The following SLC2A9 variants were observed in gnomAD, a reference collection of about 807,000 sequenced individuals.
The protein encoded by SLC2A9 is solute carrier family 2, facilitated glucose transporter member 9.
SLC2A9 carries 39 observed loss-of-function variants against 50.6 expected under a neutral mutation model. The observed-to-expected ratio is 0.77, with a 90% CI of 0.60 to 1.01. The LOEUF is 1.01. Among genes scored for constraint, SLC2A9 ranks in the 50% least tolerant of loss-of-function variants. The pLI is 0.00. For missense variants in SLC2A9, 686 were observed against 677.6 expected (o/e 1.01, Z -0.14); for synonymous variants, 324 against 276.9 (o/e 1.17, Z -1.69).
chr4:9,825,350 A>C (rs1425980022), downstream of SLC2A9, among the ~76,000 whole-genome samples: 2 of 152,186 alleles, frequency 1.3e-5, no homozygotes, highest in African/African-American at 4.8e-5. Context: ...TTTCTTAGCA[A>C]CAGTCAAGAT....
chr4:9,780,509 T>A (rs1352730518), intron 3 of SLC2A9, among the ~76,000 whole-genome samples: 1 of 152,072 alleles, frequency 6.6e-6, no homozygotes, highest in Non-Finnish European at 1.5e-5. Context: ...CACTTGCAGA[T>A]GTTGGTCCAG....
chr4:9,965,372 A>T (rs2108965526), intron 5 of SLC2A9, among the ~76,000 whole-genome samples: 1 of 152,302 alleles, frequency 6.6e-6, no homozygotes, highest in South Asian at 2.1e-4. Context: ...ATCTCATGGG[A>T]AATTTTTCTG....
intron 3 of SLC2A9, among the ~76,000 whole-genome samples, chr4:9,816,231 A>G (rs1723575059): frequency 1.3e-5 from 2 of 152,076 alleles, no homozygotes; most frequent in Admixed American, 6.6e-5. Flanking sequence ...CTCACATCAC[A>G]ATAAAGCATC....
intron 10 of SLC2A9, among the ~76,000 whole-genome samples, chr4:9,849,298 A>T (rs1333938181): frequency 6.6e-6 from 1 of 152,192 alleles, no homozygotes; most frequent in African/African-American, 2.4e-5. Context: ...AGACTGGGAC[A>T]CTGGTTAGGA....
chr4:9,896,843 G>A (rs965220159), intron 8 of SLC2A9, among the ~76,000 whole-genome samples: 18 of 152,246 alleles, frequency 1.2e-4, no homozygotes, highest in African/African-American at 3.9e-4. Context: ...TTTCCTCATT[G>A]AATTACTTCA....
chr4:9,920,308 G>C (rs866394192), intron 7 of SLC2A9, 77 bp downstream of exon 7: 6 of 1,535,382 alleles, frequency 3.9e-6, no homozygotes, highest in East Asian at 2.3e-5. Context: ...CTGGGCGTCT[G>C]GGGCCCAAGC....
chr4:10,011,657 C>T (rs1256017635), intron 2 of SLC2A9, among the ~76,000 whole-genome samples: 4 of 142,492 alleles, frequency 2.8e-5, no homozygotes, highest in African/African-American at 9.8e-5. Flanking sequence ...ACAATAACTT[C>T]AGGATGTTTT....
At chr4:9,883,447 C>A (rs1233440757) in intron 10 of SLC2A9, among the ~76,000 whole-genome samples, 1 of 152,170 alleles carries the variant, frequency 6.6e-6, no homozygotes, top group Non-Finnish European at 1.5e-5. Flanking sequence ...GCCCCTAACC[C>A]CTGTGGACTT....
intron 8 of SLC2A9, among the ~76,000 whole-genome samples, chr4:9,895,039 G>C (rs566859028): frequency 3.9e-5 from 6 of 152,306 alleles, no homozygotes; most frequent in African/African-American, 1.4e-4. Context: ...TTAAAAAAGA[G>C]TTTCAAGTGC....
At chr4:9,859,388 T>A (rs933762708) in intron 10 of SLC2A9, among the ~76,000 whole-genome samples, 25 of 152,222 alleles carry the variant, frequency 1.6e-4, no homozygotes, top group African/African-American at 5.8e-4. Flanking sequence ...CTATATTGAC[T>A]GGTAAGACTC....
chr4:10,029,351 G>T (rs1763857051), intron 1 of SLC2A9: 1 of 152,100 alleles, frequency 6.6e-6, no homozygotes, highest in African/African-American at 2.4e-5. Context: ...CCAAACCATT[G>T]GCTTCTCAGT....
At chr4:9,782,381 G>T in intron 3 of SLC2A9, 1 of 1,614,056 alleles carries the variant, frequency 6.2e-7, no homozygotes, top group Non-Finnish European at 8.5e-7. Flanking sequence ...CGTCTGGGTG[G>T]CCTTCGACAT....
At chr4:10,037,246 C>G (rs1410928922) in intron 1 of SLC2A9, among the ~76,000 whole-genome samples, 2 of 152,156 alleles carry the variant, frequency 1.3e-5, no homozygotes, top group Non-Finnish European at 2.9e-5. Flanking sequence ...GACCTCAGCC[C>G]CTGGCCACCA....
intron 10 of SLC2A9, among the ~76,000 whole-genome samples, chr4:9,844,757 T>C (rs931886454): frequency 3.3e-5 from 5 of 152,218 alleles, no homozygotes; most frequent in African/African-American, 4.8e-5. Flanking sequence ...TAAATTCCCA[T>C]CACTTTACCT....
At chr4:10,001,546 C>A (rs149180359) in intron 2 of SLC2A9, among the ~76,000 whole-genome samples, 12 of 152,310 alleles carry the variant, frequency 7.9e-5, no homozygotes, top group African/African-American at 2.9e-4. Context: ...TTTGTTACAG[C>A]AGCTCTAGAA....
chr4:9,920,631 T>C, intron 6 of SLC2A9, 59 bp from the exon 7 acceptor site: 1 of 1,604,856 alleles, frequency 6.2e-7, no homozygotes, highest in Non-Finnish European at 8.5e-7. Flanking sequence ...TCATGTCTAA[T>C]GCTGGGCCCT....
Position 9,941,937 on chromosome 4 carries a change from G to A in SLC2A9, c.790C>T (p.His264Tyr), listed in dbSNP as rs767104912. 6.2e-7 allele frequency: 1 copy of A among 1,614,180 alleles called. No individual in the cohort carries two copies. Among genetic ancestry groups the A allele is most frequent in the Non-Finnish European group, 8.5e-7 (1 of 1,180,010 alleles). ...CCTTTCACAGCTCTTGCCTCGTTGT[G>A]CTTCTCCAAGAGCAGGTAGCGTGGG... is the stretch of plus-strand genomic sequence containing the variant. ...DSPRYLLLEK[H>Y]NEARAVKAFQ... The change falls in exon 6 of 12, where the codon CAC (histidine) becomes TAC (tyrosine). Residue 264 changes from histidine to tyrosine, a missense_variant. Coordinates refer to ENST00000264784, the MANE Select transcript of SLC2A9 (RefSeq NM_020041.3).
chr4:9,877,986 G>A (rs2109589862), intron 10 of SLC2A9, among the ~76,000 whole-genome samples: 1 of 152,224 alleles, frequency 6.6e-6, no homozygotes, highest in African/African-American at 2.4e-5. Context: ...GCAGTTGAGA[G>A]TGCCAGCCCC....
intron 8 of SLC2A9, among the ~76,000 whole-genome samples, chr4:9,906,874 C>T (rs1382333008): frequency 6.6e-6 from 1 of 152,134 alleles, no homozygotes; most frequent in East Asian, 1.9e-4. Context: ...GAATGTGAAA[C>T]GTTGAAATGT....
Sources: gnomAD v4.1 joint callset for allele counts (sites outside exome capture counted in the v4.1 genomes callset) on GRCh38, gnomAD v4.1.1 for gene constraint, MANE v1.5 for transcripts, NCBI Gene and HGNC (gene_info 2026-07-23, HGNC 2026-07-21) for gene names.